The following DAB2IP variants were observed in gnomAD, a reference collection of about 807,000 sequenced individuals.
DAB2IP encodes DAB2 interacting protein.
In DAB2IP, 28 loss-of-function variants were observed where a neutral mutation model predicts 107.2. That is an observed-to-expected ratio of 0.26 (90% CI 0.19 to 0.36). The LOEUF (loss-of-function observed/expected upper bound fraction) is 0.36. Among genes scored for constraint, DAB2IP ranks in the 10% least tolerant of loss-of-function variants. The probability of loss-of-function intolerance (pLI) is 1.00; values close to 1 mark genes in which losing one functional copy is unlikely to be tolerated. For missense variants in DAB2IP, 1,400 were observed against 1,644.7 expected (o/e 0.85, Z 2.57); for synonymous variants, 755 against 706.4 (o/e 1.07, Z -1.09).
intron 1 of DAB2IP, among the ~76,000 whole-genome samples, chr9:121,581,421 T>C (rs603315): frequency 0.72 from 109,952 of 152,072 alleles, 41,394 homozygotes; most frequent in Middle Eastern, 0.85. Flanking sequence ...GCACCTTGCA[T>C]CTTCAGGAGG....
At chr9:121,733,207 C>T (rs1831648988) in intron 3 of DAB2IP, among the ~76,000 whole-genome samples, 1 of 152,250 alleles carries the variant, frequency 6.6e-6, no homozygotes, top group South Asian at 2.1e-4. Context: ...TTCTGTCCTA[C>T]AGACGGATCC....
rs60818537 is a variant in DAB2IP, at chr9:121,570,107, C to CTTT, written c.40+2899_40+2901dup. 1.6e-4 allele frequency among the ~76,000 whole-genome samples: 16 copies of CTTT among 101,498 alleles called. 1 individual carries two copies. The highest frequency in any genetic ancestry group is 3.4e-4 in the South Asian group (1 of 2,972). 66.6% of individuals were successfully genotyped at this position (101,498 alleles called of 152,430 possible). On this transcript the variant is annotated intron_variant, in intron 1 of 16. Coordinates refer to the DAB2IP transcript ENST00000259371. ...CAGCAGTCAGCCCTTTTCTCTTTCT[C>CTTT]TTTTTTTTTTTTTTTTTTTTTTGAG...
At chr9:121,711,933 C>T (rs1225667792) in intron 3 of DAB2IP, among the ~76,000 whole-genome samples, 5 of 152,228 alleles carry the variant, frequency 3.3e-5, no homozygotes, top group Non-Finnish European at 7.3e-5. Context: ...CCCCTCTAGA[C>T]TCCCTCTGCA....
rs1320513692 is a variant in DAB2IP, at chr9:121,684,687, A to G, written c.228+5906A>G. 6.6e-6 allele frequency among the ~76,000 whole-genome samples: 1 copy of G among 152,068 alleles called. No homozygotes were observed. The highest frequency in any genetic ancestry group is 1.5e-5 in the Non-Finnish European group (1 of 67,984). On this transcript the variant is annotated intron_variant, in intron 2 of 15. Transcript: ENST00000408936. This position sits in a 1 kb window ranked among gnomAD's most constrained non-coding sequence, Gnocchi z 4.0. Reference sequence around the variant, plus strand: ...TGCAGAGCCGGCCCCGCTGCCCCCCATTTGTGCCCCTTCCAAGCTACGGAG... The same window carrying G: ...TGCAGAGCCGGCCCCGCTGCCCCCCGTTTGTGCCCCTTCCAAGCTACGGAG...
At chr9:121,715,271 G>A (rs1183523009) in intron 3 of DAB2IP, among the ~76,000 whole-genome samples, 1 of 152,176 alleles carries the variant, frequency 6.6e-6, no homozygotes, top group Non-Finnish European at 1.5e-5. Context: ...CCACAGCCAG[G>A]CCTCTTTGCT....
chr9:121,670,191 G>A (rs532884257), intron 1 of DAB2IP, among the ~76,000 whole-genome samples: 1 of 152,304 alleles, frequency 6.6e-6, no homozygotes, highest in Admixed American at 6.5e-5. Flanking sequence ...TTTTGATACT[G>A]GCTTTCCTCG....
chr9:121,691,538 T>C (rs1450367310), intron 2 of DAB2IP, among the ~76,000 whole-genome samples: 1 of 150,338 alleles, frequency 6.7e-6, no homozygotes, highest in African/African-American at 2.5e-5. Context: ...AAAAAAAAAC[T>C]ATGACCATGA....
chr9:121,683,559 G>A (rs1331384841), intron 2 of DAB2IP, among the ~76,000 whole-genome samples: 3 of 152,164 alleles, frequency 2.0e-5, no homozygotes, highest in East Asian at 1.9e-4. Flanking sequence ...TATTTTTTGC[G>A]AGATGGAGAA....
exon 12 of DAB2IP, chr9:121,773,112 A>G: frequency 6.2e-7 from 1 of 1,612,382 alleles, no homozygotes; most frequent in Non-Finnish European, 8.5e-7. Flanking sequence ...CTCACACAGC[A>G]ACAGCGAGGA....
chr9:121,576,542 C>A (rs1830060821), intron 1 of DAB2IP, among the ~76,000 whole-genome samples: 1 of 152,144 alleles, frequency 6.6e-6, no homozygotes, highest in Non-Finnish European at 1.5e-5. Context: ...GGGCTTTCTG[C>A]TATCCCACTG....
intron 1 of DAB2IP, among the ~76,000 whole-genome samples, chr9:121,577,634 G>T (rs950248354): frequency 6.6e-6 from 1 of 152,178 alleles, no homozygotes; most frequent in African/African-American, 2.4e-5. Context: ...CATGGCTGGG[G>T]GTGGCTGTCC....
At position 121,782,725 on chromosome 9, in the gene DAB2IP, G is replaced by A. The variant is rs1835752738; in HGVS notation, c.*227G>A. The A allele has an allele frequency of 7.2e-7, 1 of 1,398,372 alleles. No individual in the cohort carries two copies. The highest frequency in any genetic ancestry group is 9.3e-7 in the Non-Finnish European group (1 of 1,077,638). The allele number at this position is 1,398,372 out of a possible 1,614,324, so 86.6% of individuals were successfully genotyped here. On this transcript the variant is annotated 3_prime_UTR_variant, in exon 16 of 16. Transcript: ENST00000408936. The surrounding 1 kb of genome is among the most constrained non-coding windows in gnomAD (Gnocchi z 6.1). ...CGCTCCCTGTGGGGTGCGGGCAGAA[G>A]AGACTGCACGCTGGGGAGTGGGGAC...
chr9:121,671,966 G>A (rs956822156), intron 1 of DAB2IP, among the ~76,000 whole-genome samples: 2 of 152,190 alleles, frequency 1.3e-5, no homozygotes, highest in Non-Finnish European at 2.9e-5. Flanking sequence ...TCTGGCCCTA[G>A]CACATATGTG....
At chr9:121,653,767 G>C (rs1832860546) in intron 1 of DAB2IP, among the ~76,000 whole-genome samples, 1 of 152,152 alleles carries the variant, frequency 6.6e-6, no homozygotes. Context: ...TGACCAGGCA[G>C]GGGATAATCA....
intron 1 of DAB2IP, among the ~76,000 whole-genome samples, chr9:121,677,556 C>T (rs1306596257): frequency 1.3e-5 from 2 of 152,150 alleles, no homozygotes; most frequent in African/African-American, 2.4e-5. Context: ...CATCCAAGCT[C>T]CCCAAGTGTG....
rs1159273980 is a variant in DAB2IP, at chr9:121,699,307, T to G, written c.229-18T>G. The G allele has an allele frequency of 5.4e-6, 7 of 1,288,650 alleles. No homozygotes were observed. Among genetic ancestry groups the G allele is most frequent in the Non-Finnish European group, 5.1e-6 (5 of 985,664 alleles). 79.8% of individuals were successfully genotyped at this position (1,288,650 alleles called of 1,614,324 possible). Reference sequence around the variant, plus strand: ...CTAACCCCGCCTCCCCTTCCCCCTCTTGTCCCCCCGTGCGCAGGGCTTCCT... The same window carrying G: ...CTAACCCCGCCTCCCCTTCCCCCTCGTGTCCCCCCGTGCGCAGGGCTTCCT... On this transcript the variant is annotated intron_variant, in intron 2 of 15. Transcript: ENST00000408936. The surrounding 1 kb of genome is among the most constrained non-coding windows in gnomAD (Gnocchi z 6.2).
intron 1 of DAB2IP, among the ~76,000 whole-genome samples, chr9:121,652,669 A>G (rs1832800957): frequency 6.6e-6 from 1 of 152,070 alleles, no homozygotes; most frequent in Non-Finnish European, 1.5e-5. Flanking sequence ...AGGGAGGAGA[A>G]AGACGGCGCC....
intron 3 of DAB2IP, among the ~76,000 whole-genome samples, chr9:121,719,010 G>A (rs924929592): frequency 5.3e-5 from 8 of 152,200 alleles, no homozygotes; most frequent in African/African-American, 1.7e-4. Context: ...CTTCATGAGG[G>A]CACTGGATGG....
chr9:121,594,027 T>C (rs1830474088), intron 1 of DAB2IP, among the ~76,000 whole-genome samples: 1 of 152,050 alleles, frequency 6.6e-6, no homozygotes, highest in African/African-American at 2.4e-5. Flanking sequence ...AACAACTTCC[T>C]CTTGACCATA....
Sources: gnomAD v4.1 joint callset for allele counts (sites outside exome capture counted in the v4.1 genomes callset) on GRCh38, gnomAD v4.1.1 for gene constraint, Gnocchi (gnomAD v3.1) non-coding constraint, MANE v1.5 for transcripts, NCBI Gene and HGNC (gene_info 2026-07-23, HGNC 2026-07-21) for gene names.